The following SPATS2L variants were observed in gnomAD, a reference collection of about 807,000 sequenced individuals.
SPATS2L encodes the protein spermatogenesis associated serine rich 2 like, also known as SPATS2-like protein.
A neutral mutation model predicts 59.6 loss-of-function variants in SPATS2L; 30 were observed. The observed-to-expected ratio is 0.50, with a 90% CI of 0.38 to 0.68. SPATS2L has a LOEUF of 0.68. Ranked by LOEUF, SPATS2L falls within the 30% of genes least tolerant of loss-of-function variation. The probability of loss-of-function intolerance (pLI) is 0.00; values close to 1 mark genes in which losing one functional copy is unlikely to be tolerated. For synonymous variants in SPATS2L, 252 were observed against 263.5 expected, an observed-to-expected ratio of 0.96 and a Z score of 0.42; for missense variants, 615 against 700.0, an observed-to-expected ratio of 0.88 and a Z score of 1.37.
At chr2:200,464,858 C>G (rs1487594045) in intron 9 of SPATS2L, among the ~76,000 whole-genome samples, 1 of 152,152 alleles carries the variant, frequency 6.6e-6, no homozygotes, top group Non-Finnish European at 1.5e-5. Context: ...TTTTCTCATG[C>G]TGCAGATGTT....
intron 1 of SPATS2L, among the ~76,000 whole-genome samples, chr2:200,320,869 A>T (rs1425648359): frequency 6.6e-6 from 1 of 152,204 alleles, no homozygotes; most frequent in Non-Finnish European, 1.5e-5. Context: ...GATAGAAAAA[A>T]TAATTTAAAA....
intron 2 of SPATS2L, among the ~76,000 whole-genome samples, chr2:200,377,052 A>G (rs960703416): frequency 2.6e-5 from 4 of 152,204 alleles, no homozygotes; most frequent in Non-Finnish European, 4.4e-5. Flanking sequence ...GAGAGCATCT[A>G]TTTATATTCT....
At chr2:200,462,505 C>T (rs538699335) in intron 9 of SPATS2L, among the ~76,000 whole-genome samples, 7 of 152,326 alleles carry the variant, frequency 4.6e-5, no homozygotes, top group African/African-American at 1.4e-4. Flanking sequence ...TTGAACTAAC[C>T]TCAGCCCTGG....
At chr2:200,310,460 C>T (rs1395707656) in intron 1 of SPATS2L, among the ~76,000 whole-genome samples, 1 of 152,222 alleles carries the variant, frequency 6.6e-6, no homozygotes, top group Non-Finnish European at 1.5e-5. Context: ...ATCACCGTTT[C>T]TAGGATAATT....
At chr2:200,398,706 A>G (rs1033751643) in intron 3 of SPATS2L, among the ~76,000 whole-genome samples, 3 of 152,124 alleles carry the variant, frequency 2.0e-5, no homozygotes, top group South Asian at 4.1e-4. Flanking sequence ...TTGCAGCTCT[A>G]TCATTGGATG....
chr2:200,456,086 A>G (rs1309402674), intron 8 of SPATS2L, among the ~76,000 whole-genome samples: 1 of 152,120 alleles, frequency 6.6e-6, no homozygotes, highest in Non-Finnish European at 1.5e-5. Context: ...TCCCTTGACA[A>G]GCCTACTGCC....
chr2:200,361,602 G>T (rs2081109427), intron 2 of SPATS2L, among the ~76,000 whole-genome samples: 1 of 152,146 alleles, frequency 6.6e-6, no homozygotes, highest in Non-Finnish European at 1.5e-5. Flanking sequence ...ATTGTAGAAG[G>T]CTCAGTTCAT....
chr2:200,312,959 C>T (rs2079242096), intron 1 of SPATS2L, among the ~76,000 whole-genome samples: 1 of 152,144 alleles, frequency 6.6e-6, no homozygotes, highest in African/African-American at 2.4e-5. Context: ...TTTATTTAAA[C>T]CTCAAAGGAA....
chr2:200,398,290 A>T (rs1350728635), intron 3 of SPATS2L, among the ~76,000 whole-genome samples: 1 of 152,236 alleles, frequency 6.6e-6, no homozygotes, highest in East Asian at 1.9e-4. Flanking sequence ...GTATATATTT[A>T]AAAAGGAAAT....
upstream of SPATS2L, chr2:200,306,271 G>A (rs1021812297): frequency 5.0e-5 from 50 of 1,002,216 alleles, no homozygotes; most frequent in Non-Finnish European, 5.5e-5. Flanking sequence ...CAGTGCTGAG[G>A]GAGCAAAGTT....
intron 10 of SPATS2L, among the ~76,000 whole-genome samples, chr2:200,468,663 C>T (rs952881017): frequency 6.6e-6 from 1 of 152,212 alleles, no homozygotes; most frequent in Non-Finnish European, 1.5e-5. Flanking sequence ...CAGTGGCCTC[C>T]ACACTAGTCT....
chr2:200,432,831 G>A (rs1318541849), intron 6 of SPATS2L, among the ~76,000 whole-genome samples: 2 of 152,152 alleles, frequency 1.3e-5, no homozygotes, highest in African/African-American at 2.4e-5. Context: ...AGACGATGAA[G>A]AAGAAAGGAT....
At chr2:200,373,402 G>A (rs2081498547) in intron 2 of SPATS2L, 1 of 151,902 alleles carries the variant, frequency 6.6e-6, no homozygotes, top group East Asian at 1.9e-4. Context: ...AGTATCATTC[G>A]AAAGCTTGGA....
At chr2:200,374,156 A>G (rs973312936) in intron 2 of SPATS2L, among the ~76,000 whole-genome samples, 40 of 152,214 alleles carry the variant, frequency 2.6e-4, no homozygotes, top group African/African-American at 9.4e-4. Context: ...ATAATTAACT[A>G]AATACATTGC....
intron 1 of SPATS2L, among the ~76,000 whole-genome samples, chr2:200,325,187 C>A (rs1445311585): frequency 6.6e-6 from 1 of 152,116 alleles, no homozygotes; most frequent in Admixed American, 6.5e-5. Context: ...ATTTTGCTTT[C>A]TTTAATCATA....
At chr2:200,468,949 ATAGT>A (rs1260592528) in intron 10 of SPATS2L, among the ~76,000 whole-genome samples, 3 of 152,216 alleles carry the variant, frequency 2.0e-5, no homozygotes, top group African/African-American at 4.8e-5. Flanking sequence ...CCATCATAAA[ATAGT>A]TAGTAGCACA....
intron 3 of SPATS2L, among the ~76,000 whole-genome samples, chr2:200,411,599 A>T (rs1156837242): frequency 6.6e-6 from 1 of 152,252 alleles, no homozygotes; most frequent in Non-Finnish European, 1.5e-5. Flanking sequence ...AGGTCAATTA[A>T]TTCTAATAGT....
At chr2:200,395,043 T>A (rs955669178) in intron 3 of SPATS2L, among the ~76,000 whole-genome samples, 2 of 152,234 alleles carry the variant, frequency 1.3e-5, no homozygotes, top group African/African-American at 2.4e-5. Flanking sequence ...TTTAATAGCT[T>A]CTTTTCTAAA....
chr2:200,390,245 C>T (rs996924395), intron 3 of SPATS2L: 3 of 152,362 alleles, frequency 2.0e-5, no homozygotes, highest in South Asian at 4.1e-4. Context: ...TTTCACTTAG[C>T]AACAGGGTAA....
Sources: allele counts gnomAD v4.1 joint callset (sites outside exome capture counted in the v4.1 genomes callset), GRCh38; gene constraint gnomAD v4.1.1; transcripts MANE v1.5; gene names NCBI Gene and HGNC (gene_info 2026-07-23, HGNC 2026-07-21).